The following PRKN variants were observed in gnomAD, a reference collection of about 807,000 sequenced individuals.
The protein encoded by PRKN is parkin RBR E3 ubiquitin protein ligase, also known as E3 ubiquitin-protein ligase parkin.
A neutral mutation model predicts 59.5 loss-of-function variants in PRKN; 56 were observed. The observed-to-expected ratio is 0.94, with a 90% confidence interval of 0.76 to 1.18. PRKN has a LOEUF of 1.18. Among genes scored for constraint, PRKN ranks in the 50% most tolerant of loss-of-function variants. The pLI is 0.00. For synonymous variants in PRKN, 250 were observed against 222.1 expected, an observed-to-expected ratio of 1.13 and a Z score of -1.12; for missense variants, 657 against 596.4, an observed-to-expected ratio of 1.10 and a Z score of -1.06.
At chr6:162,568,761 C>T in intron 1 of PRKN, 2 of 744,282 alleles carry the variant, frequency 2.7e-6, no homozygotes, top group Non-Finnish European at 4.9e-6. Context: ...TAGGGGGCAG[C>T]CGGACACTCT....
intron 1 of PRKN, among the ~76,000 whole-genome samples, chr6:162,700,643 ATCTT>A (rs748756461): frequency 1.3e-5 from 2 of 152,156 alleles, no homozygotes; most frequent in East Asian, 1.9e-4. Flanking sequence ...AAGTGTTAAC[ATCTT>A]TCTTTCTTGT....
At chr6:161,865,304 G>A (rs1794069677) in intron 6 of PRKN, among the ~76,000 whole-genome samples, 2 of 152,164 alleles carry the variant, frequency 1.3e-5, no homozygotes, top group Non-Finnish European at 1.5e-5. Context: ...CAGAGTCAAC[G>A]TGGCCTAATT....
At chr6:161,960,392 T>G (rs1030331100) in intron 6 of PRKN, among the ~76,000 whole-genome samples, 3 of 151,968 alleles carry the variant, frequency 2.0e-5, no homozygotes, top group Non-Finnish European at 2.9e-5. Context: ...ATCTTAGCAG[T>G]GAGTAAAGAA....
At chr6:161,465,022 A>G (rs891370621) in intron 9 of PRKN, among the ~76,000 whole-genome samples, 2 of 152,208 alleles carry the variant, frequency 1.3e-5, no homozygotes, top group African/African-American at 4.8e-5. Flanking sequence ...ATAGGCTGCG[A>G]TCCTCTCCAG....
intron 7 of PRKN, among the ~76,000 whole-genome samples, chr6:161,571,959 C>G (rs1233235660): frequency 6.6e-6 from 1 of 152,210 alleles, no homozygotes; most frequent in African/African-American, 2.4e-5. Context: ...ACATACACGA[C>G]TCCCAAACCT....
intron 4 of PRKN, among the ~76,000 whole-genome samples, chr6:162,064,123 G>A (rs1226157832): frequency 1.3e-5 from 2 of 152,122 alleles, no homozygotes; most frequent in Admixed American, 6.6e-5. Flanking sequence ...GATGAGTCTC[G>A]AAACAAAACA....
intron 6 of PRKN, among the ~76,000 whole-genome samples, chr6:161,805,401 C>T (rs924677724): frequency 1.3e-5 from 2 of 151,932 alleles, no homozygotes; most frequent in South Asian, 2.1e-4. Context: ...AGGATGCCAT[C>T]GAGGTCCCGC....
chr6:162,093,005 C>T (rs9347587), intron 4 of PRKN, among the ~76,000 whole-genome samples: 116,859 of 152,146 alleles, frequency 0.77, 45,361 homozygotes, highest in African/African-American at 0.89. Context: ...TTGGAACTGC[C>T]ACCCAGAGGC....
rs917171816 is a variant in PRKN, at chr6:162,150,325, G to T, written c.534+50806C>A. Among the ~76,000 whole-genome samples, 6 of 152,152 alleles carry T rather than the reference G, an allele frequency of 3.9e-5. No homozygotes were observed. The East Asian group carries it at 1.2e-3, about 29-fold the overall frequency. The stretch of plus-strand genomic sequence containing the variant: ...AATGTTTCTGATGTGAATTTAAAGT[G>T]TCTGAGTTTGGGGGCCTTCTCTGTT... On this transcript the variant is annotated intron_variant, in intron 4 of 11. Coordinates refer to ENST00000366898, the MANE Select transcript of PRKN (RefSeq NM_004562.3).
chr6:161,597,375 T>C (rs1267666965), intron 7 of PRKN, among the ~76,000 whole-genome samples: 1 of 152,204 alleles, frequency 6.6e-6, no homozygotes, highest in Non-Finnish European at 1.5e-5. Flanking sequence ...TCTGCATAGC[T>C]AGGGCTTATT....
chr6:161,702,520 G>A (rs1562618829), intron 7 of PRKN, among the ~76,000 whole-genome samples: 1 of 152,054 alleles, frequency 6.6e-6, no homozygotes, highest in Non-Finnish European at 1.5e-5. Flanking sequence ...AAGTAGGATG[G>A]TGACCATGAG....
At chr6:162,578,300 T>A (rs566990948) in intron 1 of PRKN, among the ~76,000 whole-genome samples, 1 of 152,218 alleles carries the variant, frequency 6.6e-6, no homozygotes, top group South Asian at 2.1e-4. Context: ...GAAAATTAAA[T>A]GTATTAAATA....
intron 7 of PRKN, among the ~76,000 whole-genome samples, chr6:161,665,612 C>T (rs1448406348): frequency 1.3e-5 from 2 of 152,144 alleles, no homozygotes; most frequent in Non-Finnish European, 2.9e-5. Flanking sequence ...AATAGGTCAC[C>T]CAACCTTGTT....
rs760540631 is a variant in PRKN at position 161,360,083 on chromosome 6, C to T, written c.1285+5G>A. The T allele has an allele frequency of 6.3e-7, 1 of 1,592,726 alleles. No individual in the cohort carries two copies. The highest frequency in any genetic ancestry group is 1.7e-5 in the Admixed American group (1 of 60,008). Reference sequence around the variant, plus strand: ...ATCCTCATTCTCTGCTCAGCACAGACTCACCATTTTTTTCCACTGGTACAT... The same window carrying T: ...ATCCTCATTCTCTGCTCAGCACAGATTCACCATTTTTTTCCACTGGTACAT... On this transcript the variant is annotated splice_donor_5th_base_variant and intron_variant, in intron 11 of 11. Transcript: ENST00000366898. The surrounding 1 kb of genome is among the most constrained non-coding windows in gnomAD (Gnocchi z 5.1).
chr6:162,249,301 A>G (rs1779329950), intron 3 of PRKN, among the ~76,000 whole-genome samples: 1 of 152,230 alleles, frequency 6.6e-6, no homozygotes, highest in Non-Finnish European at 1.5e-5. Context: ...ACATAGGTTC[A>G]ATTAGGATTT....
At chr6:161,692,859 G>C (rs541301897) in intron 7 of PRKN, among the ~76,000 whole-genome samples, 18 of 151,324 alleles carry the variant, frequency 1.2e-4, no homozygotes, top group African/African-American at 4.4e-4. Flanking sequence ...GAGGCATGAG[G>C]ATTGCTTGAA....
In PRKN at chr6:161,498,256, T is replaced by C. The variant is rs770603134; in HGVS notation, c.1083+50598A>G. Among the ~76,000 whole-genome samples the C allele has an allele frequency of 1.3e-5, 2 of 152,198 alleles. No homozygotes were observed. Among genetic ancestry groups the C allele is most frequent in the African/African-American group, 2.4e-5 (1 of 41,442 alleles). The stretch of plus-strand genomic sequence containing the variant: ...AATCAGTATCATGTTATAGAGTGTA[T>C]TAATTAATAAATGGAATATTTAGCT... On this transcript the variant is annotated intron_variant, in intron 9 of 11. Transcript: ENST00000366898. The surrounding 1 kb of genome is among the most constrained non-coding windows in gnomAD (Gnocchi z 4.2).
intron 10 of PRKN, among the ~76,000 whole-genome samples, chr6:161,367,342 C>T (rs888358633): frequency 6.6e-6 from 1 of 152,064 alleles, no homozygotes; most frequent in African/African-American, 2.4e-5. Flanking sequence ...GGACAGCTAC[C>T]CACTTTCTTT....
At chr6:162,190,232 C>A (rs999072705) in intron 4 of PRKN, among the ~76,000 whole-genome samples, 1 of 152,142 alleles carries the variant, frequency 6.6e-6, no homozygotes, top group Non-Finnish European at 1.5e-5. Context: ...ATTCTATGAG[C>A]ATTTCCCTTT....
Sources: gnomAD v4.1 joint callset for allele counts (sites outside exome capture counted in the v4.1 genomes callset) on GRCh38, gnomAD v4.1.1 for gene constraint, Gnocchi (gnomAD v3.1) non-coding constraint, MANE v1.5 for transcripts, NCBI Gene and HGNC (gene_info 2026-07-23, HGNC 2026-07-21) for gene names.